The following STK32A variants were observed in gnomAD, a reference collection of about 807,000 sequenced individuals.
STK32A encodes the protein serine/threonine kinase 32A.
A neutral mutation model predicts 53.2 loss-of-function variants in STK32A; 41 were observed. The ratio of observed to expected loss-of-function variants is 0.77; its 90% CI spans 0.60 to 1.00. STK32A has a LOEUF of 1.00. Among genes scored for constraint, STK32A ranks in the 50% least tolerant of loss-of-function variants. STK32A has a pLI of 0.00. For synonymous variants in STK32A, 166 were observed against 162.8 expected, an observed-to-expected ratio of 1.02 and a Z score of -0.15; for missense variants, 458 against 485.8, an observed-to-expected ratio of 0.94 and a Z score of 0.54.
intron 4 of STK32A, among the ~76,000 whole-genome samples, chr5:147,321,146 A>C (rs1025149450): frequency 2.6e-5 from 4 of 152,246 alleles, no homozygotes; most frequent in African/African-American, 9.6e-5. Context: ...CACTGGGACC[A>C]GACTTGTTAA....
chr5:147,326,774 AG>A (rs1467655789), intron 5 of STK32A, among the ~76,000 whole-genome samples: 2 of 152,224 alleles, frequency 1.3e-5, no homozygotes, highest in Non-Finnish European at 2.9e-5. Flanking sequence ...TGAGAGCTAA[AG>A]AGGATGCTAT....
At chr5:147,264,848 G>A (rs768817025) in intron 2 of STK32A, among the ~76,000 whole-genome samples, 6 of 152,034 alleles carry the variant, frequency 3.9e-5, no homozygotes, top group Admixed American at 2.0e-4. Context: ...TAGAAGGGGG[G>A]TAAGTAGATC....
intron 2 of STK32A, among the ~76,000 whole-genome samples, chr5:147,241,503 C>CAAACAAACA (rs1753581639): frequency 1.3e-5 from 2 of 151,370 alleles, no homozygotes; most frequent in East Asian, 1.9e-4. Flanking sequence ...AACAAACAAA[C>CAAACAAACA]AAAAAAACCC....
rs982873605 is a variant in STK32A, at chr5:147,350,986, G to A, written c.473-79G>A. 1.2e-5 allele frequency: 14 copies of A among 1,185,678 alleles called. No homozygotes were observed. In the African/African-American group the frequency reaches 1.8e-4, roughly 15 times the overall value. The allele number at this position is 1,185,678 out of a possible 1,614,324, so 73.4% of individuals were successfully genotyped here. On this transcript the variant is annotated intron_variant, in intron 6 of 12. Transcript: ENST00000397936. ...CTACAAGAATTAACAGACTAATTGG[G>A]TGTTTTCAGTTAAAAGCATGATTGT...
intron 6 of STK32A, chr5:147,348,716 C>A (rs1755811946): frequency 1.3e-6 from 1 of 773,712 alleles, no homozygotes; most frequent in African/African-American, 1.7e-5. Context: ...TCCTACAAGT[C>A]CCACTGAATT....
At chr5:147,269,233 C>T (rs1316697596) in intron 2 of STK32A, among the ~76,000 whole-genome samples, 1 of 152,144 alleles carries the variant, frequency 6.6e-6, no homozygotes, top group Admixed American at 6.5e-5. Context: ...ATGTTAGCTA[C>T]TATGAATTTT....
chr5:147,244,658 G>C (rs1753709919), intron 2 of STK32A, among the ~76,000 whole-genome samples: 1 of 152,144 alleles, frequency 6.6e-6, no homozygotes, highest in African/African-American at 2.4e-5. Flanking sequence ...TAATTATATG[G>C]TGTTCTAAGG....
chr5:147,252,922 T>C (rs1185110715), intron 2 of STK32A, among the ~76,000 whole-genome samples: 2 of 152,234 alleles, frequency 1.3e-5, no homozygotes, highest in Non-Finnish European at 2.9e-5. Context: ...ATTAAGTGAA[T>C]GCATTAATGA....
Position 147,323,896 on chromosome 5 carries a change from A to T in STK32A, c.261-2A>T. ...AAGTTTTCTCTTCTAATGTAATTCC[A>T]GGTATTCCTTCCAAGATGAGGAAGA... is the stretch of plus-strand genomic sequence containing the variant. On this transcript the variant is annotated splice_acceptor_variant, in intron 4 of 12. Coordinates refer to ENST00000397936, the MANE Select transcript of STK32A (RefSeq NM_001112724.2). LOFTEE classifies it high-confidence loss of function. The T allele has an allele frequency of 1.2e-6, 2 of 1,611,192 alleles. No individual in the cohort carries two copies. The highest frequency in any genetic ancestry group is 2.2e-5 in the East Asian group (1 of 44,838).
At chr5:147,340,388 T>C (rs935381302) in intron 5 of STK32A, among the ~76,000 whole-genome samples, 14 of 152,218 alleles carry the variant, frequency 9.2e-5, no homozygotes, top group African/African-American at 3.4e-4. Context: ...AGTAAAAATA[T>C]ATTATAGACT....
At chr5:147,306,821 TAAAA>T (rs1425703293) in intron 4 of STK32A, among the ~76,000 whole-genome samples, 4 of 151,960 alleles carry the variant, frequency 2.6e-5, no homozygotes, top group Non-Finnish European at 5.9e-5. Context: ...ATAAAACAAA[TAAAA>T]AGAAAGATGC....
At chr5:147,314,708 A>C (rs1753902207) in intron 4 of STK32A, among the ~76,000 whole-genome samples, 1 of 151,324 alleles carries the variant, frequency 6.6e-6, no homozygotes, top group Non-Finnish European at 1.5e-5. Context: ...AATCACAATG[A>C]GATGTCATTT....
rs1405259834 is a variant in STK32A at position 147,324,000 on chromosome 5, A to C, written c.363A>C (p.Glu121Asp). The change falls in exon 5 of 13, where the codon GAA becomes GAC. Residue 121 changes from glutamate (E) to aspartate (D), a missense_variant. Physicochemically the swap from Glu to Asp is conservative, Grantham distance 45. Transcript: ENST00000397936. Reference protein sequence around the residue: ...HLQQNVHFKEETVKLFICELV... With the variant: ...HLQQNVHFKEDTVKLFICELV... ...AACAGAACGTCCACTTCAAGGAAGA[A>C]ACAGTGAAGCTCTTCATCTGTGAGC... 1 of 1,612,258 alleles carries C rather than the reference A, an allele frequency of 6.2e-7. No homozygotes were observed. The highest frequency in any genetic ancestry group is 1.3e-5 in the African/African-American group (1 of 74,920).
At chr5:147,325,836 C>G (rs1461732837) in intron 5 of STK32A, among the ~76,000 whole-genome samples, 1 of 152,146 alleles carries the variant, frequency 6.6e-6, no homozygotes, top group African/African-American at 2.4e-5. Flanking sequence ...GAGTCCCTCT[C>G]AAAACTTTCC....
In STK32A at chr5:147,343,027, T is replaced by C. The variant is rs1483994880; in HGVS notation, c.456T>C (p.Ile152=). The stretch of plus-strand genomic sequence containing the variant: ...CTAGGGATATGAAGCCTGACAATAT[T>C]TTACTTGACGAACATGGTAAGTGAG... The part of the protein sequence containing the change: ...IIHRDMKPDN[I]LLDEHGHVHI... The change falls in exon 6 of 13, where the codon ATT becomes ATC. Residue 152 remains isoleucine (I), a synonymous_variant. Coordinates refer to ENST00000397936, the MANE Select transcript of STK32A (RefSeq NM_001112724.2). 2.5e-6 allele frequency: 4 copies of C among 1,613,380 alleles called. No homozygotes were observed. Among genetic ancestry groups the C allele is most frequent in the Non-Finnish European group, 3.4e-6 (4 of 1,179,758 alleles).
At chr5:147,295,960 A>G (rs967801556) in intron 4 of STK32A, among the ~76,000 whole-genome samples, 2 of 152,248 alleles carry the variant, frequency 1.3e-5, no homozygotes, top group African/African-American at 4.8e-5. Flanking sequence ...TCTTAAGTAA[A>G]GGTAGGACTT....
rs547394640 is a variant in STK32A at position 147,292,821 on chromosome 5, A to G, written c.260+13423A>G. ...GGTTGTGTTGAGCTGAGATCACATC[A>G]TTGCACTCCAGCCTGGGCAACAAGA... On this transcript the variant is annotated intron_variant, in intron 4 of 12. Coordinates refer to ENST00000397936, the MANE Select transcript of STK32A (RefSeq NM_001112724.2). Among the ~76,000 whole-genome samples, 45 of 152,174 alleles carry G rather than the reference A, an allele frequency of 3.0e-4. 1 individual carries two copies. The East Asian group carries it at 8.7e-3, about 29-fold the overall frequency.
chr5:147,329,151 T>C (rs1397153664), intron 5 of STK32A, among the ~76,000 whole-genome samples: 1 of 152,220 alleles, frequency 6.6e-6, no homozygotes, highest in Non-Finnish European at 1.5e-5. Context: ...AGAAGATTTA[T>C]GGCTGTGTAG....
At chr5:147,280,477 C>T (rs1259821248) in intron 4 of STK32A, among the ~76,000 whole-genome samples, 1 of 151,744 alleles carries the variant, frequency 6.6e-6, no homozygotes, top group South Asian at 2.1e-4. Flanking sequence ...ACCGGCCCTT[C>T]GGTTTTCATG....
Sources: allele counts gnomAD v4.1 joint callset (sites outside exome capture counted in the v4.1 genomes callset), GRCh38; gene constraint gnomAD v4.1.1; transcripts MANE v1.5; gene names NCBI Gene and HGNC (gene_info 2026-07-23, HGNC 2026-07-21).